The following CDX2 variants were observed in gnomAD, a reference collection of about 807,000 sequenced individuals.
CDX2 encodes caudal type homeobox 2, also known as homeobox protein CDX-2.
Under a neutral mutation model 25.5 loss-of-function variants are expected in CDX2, and 7 were observed. The observed-to-expected ratio is 0.27, with a 90% CI of 0.16 to 0.52. The LOEUF (loss-of-function observed/expected upper bound fraction) is 0.52, where lower values mean the gene tolerates loss of function less well. CDX2 is among the 20% of genes least tolerant of loss of function. The probability of loss-of-function intolerance (pLI) is 0.97; values close to 1 mark genes in which losing one functional copy is unlikely to be tolerated. For synonymous variants in CDX2, 222 were observed against 198.6 expected, an observed-to-expected ratio of 1.12 and a Z score of -0.99; for missense variants, 375 against 431.4, an observed-to-expected ratio of 0.87 and a Z score of 1.16.
Position 27,968,532 on chromosome 13 carries a change from C to A in CDX2, c.475G>T (p.Gly159Cys), listed in dbSNP as rs773170931. 2 of 1,564,484 alleles carry A rather than the reference C, an allele frequency of 1.3e-6. No homozygotes were observed. Residue 159 changes from glycine to cysteine, a missense_variant, in exon 1 of 3, where the codon GGC becomes TGC. Around this residue, in one of 3 missense-constraint regions of CDX2, gnomAD observed 253 missense variants for 247.5 expected, o/e 1.02. Transcript: ENST00000381020. ...ATAAAEQLSP[G>C]GQRRNLCEWM... ...TCGCACAGGTTCCGCCGCTGGCCGC[C>A]GGGAGACAGCTGCTCGGCGGCAGCG...
rs1297490920 is a variant in CDX2 at position 27,964,753 on chromosome 13, G to A, written c.687+117C>T. On this transcript the variant is annotated intron_variant, in intron 2 of 2. Coordinates refer to ENST00000381020, the MANE Select transcript of CDX2 (RefSeq NM_001265.6). The surrounding 1 kb of genome is among the most constrained non-coding windows in gnomAD (Gnocchi z 4.7). ...AAAAGGACTCCAAAGACGAATGCTT[G>A]CATCCTCCTGCTTCAGTCTCTCCAC... is the stretch of plus-strand genomic sequence containing the variant. The A allele has an allele frequency of 2.6e-6, 2 of 755,156 alleles. No homozygotes were observed. The highest frequency in any genetic ancestry group is 5.4e-5 in the East Asian group (2 of 36,864). 46.8% of individuals were successfully genotyped at this position (755,156 alleles called of 1,614,324 possible). A position where few individuals can be genotyped will look rare whatever the true frequency, so the allele number is the denominator to read the frequency against.
At position 27,968,809 on chromosome 13, in the gene CDX2, C is replaced by T. The variant is rs777900243; in HGVS notation, c.198G>A (p.Pro66=). The change falls in exon 1 of 3, where the codon CCG becomes CCA. Residue 66 remains proline (P), a synonymous_variant. Transcript: ENST00000381020. ...DSAQSPGPSW[P]AAYGAPLRED... is the part of the protein sequence containing the mutation. ...CCCGGAGTGGGGCGCCATACGCTGC[C>T]GGCCAGGATGGCCCCGGGGACTGCG... 14 of 1,540,506 alleles carry T rather than the reference C, an allele frequency of 9.1e-6. No homozygotes were observed. The South Asian group carries it at 1.3e-4, about 14-fold the overall frequency.
At position 27,961,396 on chromosome 13, in the gene CDX2, G is replaced by T. The variant is rs946284076; in HGVS notation, c.*1719C>A. ...ACGAAGGGCTAAGCCCCCCTCGCCC[G>T]GGTCCTGCCGGAAAGTTCAGCTCGG... On this transcript the variant is annotated 3_prime_UTR_variant, in exon 3 of 3. Transcript: ENST00000381020. 1.3e-5 allele frequency among the ~76,000 whole-genome samples: 2 copies of T among 152,234 alleles called. No individual in the cohort carries two copies. Among genetic ancestry groups the T allele is most frequent in the Non-Finnish European group, 2.9e-5 (2 of 68,048 alleles).
Position 27,968,746 on chromosome 13 carries a change from G to A in CDX2, c.261C>T (p.Ala87=), listed in dbSNP as rs1041593225. The A allele has an allele frequency of 9.4e-5, 142 of 1,504,514 alleles. No individual in the cohort carries two copies. Among genetic ancestry groups the A allele is most frequent in the Non-Finnish European group, 1.2e-4 (139 of 1,134,226 alleles). 93.2% of individuals were successfully genotyped at this position (1,504,514 alleles called of 1,614,324 possible). A position where few individuals can be genotyped will look rare whatever the true frequency, so the allele number is the denominator to read the frequency against. Residue 87 remains alanine, a synonymous_variant, in exon 1 of 3, where the codon GCC becomes GCT. Coordinates refer to ENST00000381020, the MANE Select transcript of CDX2 (RefSeq NM_001265.6). ...GGCCGTGAGCCACGGCGTTGGCGGC[G>A]GCCGCGGCGCCTCCGGGCGCGTAGC... ...WNGYAPGGAA[A]AANAVAHGLN...
At chr13:27,965,785 C>T (rs567606987) in intron 1 of CDX2, among the ~76,000 whole-genome samples, 2 of 152,344 alleles carry the variant, frequency 1.3e-5, no homozygotes, top group East Asian at 3.9e-4. Context: ...ACTGAAGGGC[C>T]TTGACAAATA....
chr13:27,967,386 G>C, intron 1 of CDX2: 1 of 523,560 alleles, frequency 1.9e-6, no homozygotes. Flanking sequence ...TTATACAGTT[G>C]TAATTGGCTA....
At chr13:27,967,200 C>A in intron 1 of CDX2, 1 of 460,534 alleles carries the variant, frequency 2.2e-6, no homozygotes, top group Non-Finnish European at 4.3e-6. Context: ...GGAGCCCCTG[C>A]TAGGAGAAAG....
In CDX2 at chr13:27,964,858, G is replaced by A. The variant is rs765166922; in HGVS notation, c.687+12C>T. The A allele has an allele frequency of 1.4e-5, 23 of 1,613,462 alleles. No individual in the cohort carries two copies. The South Asian group carries it at 2.5e-4, about 18-fold the overall frequency. ...GCAGTGGCCCGCCCGGAGGGAGCTAGGCGGTCCCCACCTGCCTCTCAGAGA... is the reference window on the plus strand; with the variant it reads ...GCAGTGGCCCGCCCGGAGGGAGCTAAGCGGTCCCCACCTGCCTCTCAGAGA... On this transcript the variant is annotated intron_variant, in intron 2 of 2. Coordinates refer to ENST00000381020, the MANE Select transcript of CDX2 (RefSeq NM_001265.6). The surrounding 1 kb of genome is among the most constrained non-coding windows in gnomAD (Gnocchi z 4.7).
At chr13:27,965,144 T>A in intron 1 of CDX2, 129 bp from the exon 2 acceptor site, 2 of 1,004,302 alleles carry the variant, frequency 2.0e-6, no homozygotes, top group Non-Finnish European at 2.9e-6. Flanking sequence ...GTTTGGCTGG[T>A]TCCTGCCAAG....
chr13:27,965,051 A>C (rs764199114), intron 1 of CDX2, 36 bp from the exon 2 acceptor site: 1 of 1,602,944 alleles, frequency 6.2e-7, no homozygotes, highest in South Asian at 1.1e-5. Flanking sequence ...TGAGAACTGC[A>C]AGGCAGCCCA....
At chr13:27,966,255 A>T (rs1231158035) in intron 1 of CDX2, among the ~76,000 whole-genome samples, 1 of 152,228 alleles carries the variant, frequency 6.6e-6, no homozygotes, top group Non-Finnish European at 1.5e-5. Context: ...CGCCAGGCGC[A>T]TTAACATAAA....
chr13:27,963,292 CTGCTGCTGT>C lies in CDX2; in HGVS notation c.756_764del (p.Gln254_Gln256del). 6.2e-7 allele frequency: 1 copy of C among 1,613,908 alleles called. No homozygotes were observed. Among genetic ancestry groups the C allele is most frequent in the East Asian group, 2.2e-5 (1 of 44,886 alleles). On this transcript the variant is annotated inframe_deletion, in exon 3 of 3. Coordinates refer to ENST00000381020, the MANE Select transcript of CDX2 (RefSeq NM_001265.6). ...GCGGCGGAGGCGGCTGTGGTGGCTG[CTGCTGCTGT>C]TGCTGCTGCAACTTCTTCTTGTTGA...
Position 27,964,419 on chromosome 13 carries a change from G to C in CDX2, c.687+451C>G, listed in dbSNP as rs1217384972. ...CGTTTCGACGGTGGCGGGTGGGGGG[G>C]CATGTACTCCAGGCCAGGCATGGTG... On this transcript the variant is annotated intron_variant, in intron 2 of 2. Coordinates refer to ENST00000381020, the MANE Select transcript of CDX2 (RefSeq NM_001265.6). This position sits in a 1 kb window ranked among gnomAD's most constrained non-coding sequence, Gnocchi z 4.7. Among the ~76,000 whole-genome samples, 1 of 150,762 alleles carries C rather than the reference G, an allele frequency of 6.6e-6. No individual in the cohort carries two copies. Among genetic ancestry groups the C allele is most frequent in the Non-Finnish European group, 1.5e-5 (1 of 67,800 alleles).
Position 27,964,260 on chromosome 13 carries a change from G to A in CDX2, c.687+610C>T, listed in dbSNP as rs1056674050. Among the ~76,000 whole-genome samples, 7 of 152,172 alleles carry A rather than the reference G, an allele frequency of 4.6e-5. No individual in the cohort carries two copies. Among genetic ancestry groups the A allele is most frequent in the Admixed American group, 2.6e-4 (4 of 15,276 alleles). On this transcript the variant is annotated intron_variant, in intron 2 of 2. Transcript: ENST00000381020. This position sits in a 1 kb window ranked among gnomAD's most constrained non-coding sequence, Gnocchi z 4.7. ...ACTAAAAATACAAAATTAGCCGGGC[G>A]TGGTGGCACATGCCTGTAGTCCCAG...
chr13:27,962,821 T>A lies in CDX2; in HGVS notation c.*294A>T, dbSNP rs1869120328. The A allele has an allele frequency of 6.0e-6, 2 of 331,448 alleles. No homozygotes were observed. Among genetic ancestry groups the A allele is most frequent in the Non-Finnish European group, 1.1e-5 (2 of 182,032 alleles). 20.5% of individuals were successfully genotyped at this position (331,448 alleles called of 1,614,324 possible). On this transcript the variant is annotated 3_prime_UTR_variant, in exon 3 of 3. Transcript: ENST00000381020. The stretch of plus-strand genomic sequence containing the variant: ...GAGGAGGATGAAGGCCTGGTTGGTG[T>A]GGTCAGTCCAGGCAATGCTTCTGCC...
In CDX2 at chr13:27,962,303, C is replaced by A. The variant is rs552977017; in HGVS notation, c.*812G>T. The A allele has an allele frequency of 4.3e-5, 10 of 230,682 alleles. No homozygotes were observed. The highest frequency in any genetic ancestry group is 1.3e-3 in the Middle Eastern group (1 of 786). 14.3% of individuals were successfully genotyped at this position (230,682 alleles called of 1,614,324 possible). On this transcript the variant is annotated 3_prime_UTR_variant, in exon 3 of 3. Transcript: ENST00000381020. ...AGACCAACAACCCAAACAGCAGCAA[C>A]AACAACACAAACTCCCCCCACCCCC...
At chr13:27,966,294 G>A (rs1028631298) in intron 1 of CDX2, among the ~76,000 whole-genome samples, 1 of 152,244 alleles carries the variant, frequency 6.6e-6, no homozygotes, top group Admixed American at 6.5e-5. Context: ...TTTGAATGGG[G>A]CTGCGGCCCC....
rs1156945095 is a variant in CDX2 at position 27,968,727 on chromosome 13, GAGCCACGGCGTTGGC to G, written c.265_279del (p.Ala89_Ala93del). 6.6e-7 allele frequency: 1 copy of G among 1,519,804 alleles called. No homozygotes were observed. The highest frequency in any genetic ancestry group is 2.5e-5 in the East Asian group (1 of 39,688). 94.1% of individuals were successfully genotyped at this position (1,519,804 alleles called of 1,614,324 possible). On this transcript the variant is annotated inframe_deletion, in exon 1 of 3. Transcript: ENST00000381020. ...GCCGGGGAGCCACCGTTGAGGCCGT[GAGCCACGGCGTTGGC>G]GGCGGCCGCGGCGCCTCCGGGCGCG...
intron 1 of CDX2, among the ~76,000 whole-genome samples, chr13:27,966,864 C>T (rs920410541): frequency 6.6e-6 from 1 of 152,142 alleles, no homozygotes; most frequent in Non-Finnish European, 1.5e-5. Context: ...CCGCGTCCCC[C>T]CCTCCACCCC....
Sources: gnomAD v4.1 joint callset for allele counts (sites outside exome capture counted in the v4.1 genomes callset) on GRCh38, gnomAD v4.1.1 for gene constraint, gnomAD v4.1.1 regional missense constraint, Gnocchi (gnomAD v3.1) non-coding constraint, MANE v1.5 for transcripts, NCBI Gene and HGNC (gene_info 2026-07-23, HGNC 2026-07-21) for gene names.